The following PUM1 variants were observed in gnomAD, a reference collection of about 807,000 sequenced individuals.
PUM1 encodes pumilio homolog 1.
PUM1 carries 13 observed loss-of-function variants against 131.8 expected under a neutral mutation model. The ratio of observed to expected loss-of-function variants is 0.10; its 90% confidence interval spans 0.06 to 0.16. The LOEUF is 0.16. Ranked by LOEUF, PUM1 falls within the 10% of genes least tolerant of loss-of-function variation. The pLI, the probability that PUM1 is intolerant of heterozygous loss-of-function variation, is 1.00. For synonymous variants in PUM1, 509 were observed against 556.5 expected (o/e 0.91, Z 1.20); for missense variants, 961 against 1,512.4 (o/e 0.64, Z 6.05).
chr1:30,936,204 A>G (rs929102964), intron 21 of PUM1, among the ~76,000 whole-genome samples: 3 of 151,248 alleles, frequency 2.0e-5, no homozygotes, highest in Admixed American at 1.3e-4. Flanking sequence ...GGCAGGGATC[A>G]GGTGTTAGTC....
intron 3 of PUM1, among the ~76,000 whole-genome samples, chr1:31,008,042 T>C (rs923387227): frequency 1.3e-5 from 2 of 152,190 alleles, no homozygotes; most frequent in Non-Finnish European, 2.9e-5. Flanking sequence ...ATGTTTGAGA[T>C]AGTATTTAAC....
intron 16 of PUM1, among the ~76,000 whole-genome samples, chr1:30,951,066 A>G (rs1639915468): frequency 6.6e-6 from 1 of 152,196 alleles, no homozygotes; most frequent in African/African-American, 2.4e-5. Context: ...TCCTTGGCTT[A>G]TTATTTTCAT....
chr1:30,947,606 A>G (rs1169781797), intron 17 of PUM1, among the ~76,000 whole-genome samples: 54 of 152,194 alleles, frequency 3.5e-4, no homozygotes, highest in Admixed American at 3.5e-3. Context: ...CACCATGGCT[A>G]TACCTGGTGC....
At chr1:30,937,298 G>A (rs1175225114) in intron 20 of PUM1, among the ~76,000 whole-genome samples, 3 of 152,098 alleles carry the variant, frequency 2.0e-5, no homozygotes, top group Non-Finnish European at 2.9e-5. Context: ...TTCTTTCCTC[G>A]CCTTTGTCAG....
At chr1:31,038,985 T>TATG (rs879343889) in intron 2 of PUM1, among the ~76,000 whole-genome samples, 1 of 33,006 alleles carries the variant, frequency 3.0e-5, no homozygotes, top group Non-Finnish European at 4.5e-5. Context: ...TATATATATA[T>TATG]TTTTTTTTTT....
At chr1:31,010,111 C>T (rs1011342249) in intron 3 of PUM1, among the ~76,000 whole-genome samples, 1 of 137,036 alleles carries the variant, frequency 7.3e-6, no homozygotes, top group Non-Finnish European at 1.5e-5. Flanking sequence ...GTTTTTGCCA[C>T]TATGGCAAAA....
chr1:31,065,128 G>A (rs1339893734), intron 1 of PUM1, among the ~76,000 whole-genome samples: 1 of 152,164 alleles, frequency 6.6e-6, no homozygotes, highest in Non-Finnish European at 1.5e-5. Context: ...CTGTGGACAA[G>A]GGCCACGGCT....
intron 7 of PUM1, among the ~76,000 whole-genome samples, chr1:30,985,650 C>CAAAAAAA (rs372548441): frequency 1.5e-5 from 1 of 65,240 alleles, no homozygotes; most frequent in African/African-American, 5.0e-5. Flanking sequence ...AACTCCATCT[C>CAAAAAAA]AAAAAAAAAA....
At chr1:30,952,208 A>C in intron 16 of PUM1, 26 bp downstream of exon 16, 1 of 1,609,138 alleles carries the variant, frequency 6.2e-7, no homozygotes, top group Non-Finnish European at 8.5e-7. Context: ...CTCTTAAGTC[A>C]AAGGATAGAA....
At chr1:30,995,682 G>A (rs1303784811) in intron 5 of PUM1, among the ~76,000 whole-genome samples, 1 of 152,052 alleles carries the variant, frequency 6.6e-6, no homozygotes. Context: ...CTTCTCCACT[G>A]CACTATGTAA....
intron 7 of PUM1, among the ~76,000 whole-genome samples, chr1:30,987,985 CATCAT>C (rs1641632390): frequency 6.6e-6 from 1 of 152,176 alleles, no homozygotes; most frequent in Non-Finnish European, 1.5e-5. Context: ...CTATTTCATG[CATCAT>C]ATCATAAATA....
rs1639006742 is a variant in PUM1 at position 30,932,642 on chromosome 1, TATA to T, written c.*566_*568del. 2.0e-4 allele frequency: 4 copies of T among 20,162 alleles called. No homozygotes were observed. The East Asian group carries it at 0.018, about 92-fold the overall frequency. 1.2% of individuals were successfully genotyped at this position (20,162 alleles called of 1,614,324 possible). On this transcript the variant is annotated 3_prime_UTR_variant, in exon 22 of 22. Coordinates refer to ENST00000426105, the MANE Select transcript of PUM1 (RefSeq NM_001020658.2). ...AGCAACTCTGAAACCTTTTTCATTA[TATA>T]TATATATATATATATATATATTTTT...
At chr1:31,015,820 T>C (rs1304679732) in intron 3 of PUM1, among the ~76,000 whole-genome samples, 1 of 151,962 alleles carries the variant, frequency 6.6e-6, no homozygotes, top group South Asian at 2.1e-4. Flanking sequence ...ATTACAGGCA[T>C]GCGCCACCAT....
chr1:30,970,613 G>C (rs559046662), intron 10 of PUM1, among the ~76,000 whole-genome samples: 2 of 152,218 alleles, frequency 1.3e-5, no homozygotes, highest in South Asian at 4.1e-4. Context: ...GGGCTGTACA[G>C]GTGAGTTTTA....
At chr1:30,976,078 G>C (rs1439009064) in intron 9 of PUM1, among the ~76,000 whole-genome samples, 1 of 129,018 alleles carries the variant, frequency 7.8e-6, no homozygotes, top group Non-Finnish European at 1.6e-5. Flanking sequence ...ACAGAGCAAA[G>C]AGTGTGTCTC....
At position 30,932,667 on chromosome 1, in the gene PUM1, T is replaced by TATATATA. The variant is rs1438083829; in HGVS notation, c.*543_*544insTATATAT. 9.7e-5 allele frequency: 14 copies of TATATATA among 143,968 alleles called. No individual in the cohort carries two copies. Among genetic ancestry groups the TATATATA allele is most frequent in the Middle Eastern group, 3.4e-3 (1 of 294 alleles). 8.9% of individuals were successfully genotyped at this position (143,968 alleles called of 1,614,324 possible). A position where few individuals can be genotyped will look rare whatever the true frequency, so the allele number is the denominator to read the frequency against. On this transcript the variant is annotated 3_prime_UTR_variant, in exon 22 of 22. Coordinates refer to ENST00000426105, the MANE Select transcript of PUM1 (RefSeq NM_001020658.2). ...TATATATATATATATATATATATATTTTTTATAAACAGTGTTAAATGCCAG... is the reference window on the plus strand; with the variant it reads ...TATATATATATATATATATATATATTATATATATTTTATAAACAGTGTTAAATGCCAG...
Position 31,059,439 on chromosome 1 carries a change from C to A in PUM1, c.128G>T (p.Gly43Val). ...NMPVVLTSGT[G>V]SQAQPQPAAN... is the part of the protein sequence containing the mutation. Reference sequence around the variant, plus strand: ...AGCTGGTTGTGGCTGCGCTTGCGACCCTGTTCCAGATGTCAAAACAACAGG... The same window carrying A: ...AGCTGGTTGTGGCTGCGCTTGCGACACTGTTCCAGATGTCAAAACAACAGG... Residue 43 changes from glycine (G) to valine (V), a missense_variant, in exon 2 of 22, where the codon GGG becomes GTG. This residue lies in a region of PUM1 where 654 missense variants were observed against 923.9 expected (regional missense o/e 0.71). Transcript: ENST00000426105. The A allele has an allele frequency of 6.2e-7, 1 of 1,614,146 alleles. No individual in the cohort carries two copies. The highest frequency in any genetic ancestry group is 1.1e-5 in the South Asian group (1 of 91,086).
At chr1:30,989,828 CAAA>C (rs1557573021) in intron 7 of PUM1, among the ~76,000 whole-genome samples, 1 of 152,078 alleles carries the variant, frequency 6.6e-6, no homozygotes, top group African/African-American at 2.4e-5. Context: ...CTACAAAGAA[CAAA>C]AGATATGAAC....
Position 31,014,616 on chromosome 1 carries a change from T to C in PUM1, c.433-7514A>G, listed in dbSNP as rs183390501. On this transcript the variant is annotated intron_variant, in intron 3 of 21. Transcript: ENST00000426105. ...CAGCCTGGACAACATGGTGAAAACC[T>C]GTCTCTACTAAAAATACAAAAATCA... 6.6e-3 allele frequency among the ~76,000 whole-genome samples: 1,003 copies of C among 151,942 alleles called. 5 individuals are homozygous for C. Among genetic ancestry groups the C allele is most frequent in the Non-Finnish European group, 0.011 (756 of 67,938 alleles).
Sources: allele counts gnomAD v4.1 joint callset (sites outside exome capture counted in the v4.1 genomes callset), GRCh38; gene constraint gnomAD v4.1.1; regional missense constraint gnomAD v4.1.1; transcripts MANE v1.5; gene names NCBI Gene and HGNC (gene_info 2026-07-23, HGNC 2026-07-21).